FAAH2: variants seen among roughly 807,000 people sequenced by gnomAD.
FAAH2 encodes fatty acid amide hydrolase 2.
Under a neutral mutation model 36.9 loss-of-function variants are expected in FAAH2, and 60 were observed. The observed-to-expected ratio is 1.63, with a 90% CI of 1.32 to 2.02. The LOEUF (loss-of-function observed/expected upper bound fraction) is 2.02. FAAH2 is among the 30% of genes most tolerant of loss of function. The pLI is 0.00. For missense variants in FAAH2, 689 were observed against 397.5 expected (o/e 1.73, Z -6.23); for synonymous variants, 214 against 143.8 (o/e 1.49, Z -3.49).
At chrX:57,480,349 T>A (rs2057357211) in intron 10 of FAAH2, among the ~76,000 whole-genome samples, 1 of 112,063 alleles carries the variant, frequency 8.9e-6, no homozygotes, top group Non-Finnish European at 1.9e-5. Context: ...TGAACATTGA[T>A]GCAAAAATCC....
At chrX:57,403,037 A>G (rs1304517901) in intron 7 of FAAH2, among the ~76,000 whole-genome samples, 3 of 111,881 alleles carry the variant, frequency 2.7e-5, no homozygotes, top group Non-Finnish European at 5.6e-5. Context: ...CCCTTGTAAA[A>G]CATCAGTATA....
the FAAH2 span, among the ~76,000 whole-genome samples, chrX:57,160,885 T>G: frequency 8.9e-6 from 1 of 112,124 alleles, no homozygotes; most frequent in East Asian, 2.8e-4. Flanking sequence ...TCTTAGTTAT[T>G]TCTTGCCTTC....
intron 10 of FAAH2, among the ~76,000 whole-genome samples, chrX:57,450,788 G>A (rs2056769142): frequency 9.0e-6 from 1 of 110,884 alleles, no homozygotes; most frequent in African/African-American, 3.3e-5. Context: ...ATGGTTGGAA[G>A]GATATAATGT....
the FAAH2 span, among the ~76,000 whole-genome samples, chrX:57,216,526 GTATA>G: frequency 3.6e-3 from 122 of 33,714 alleles, 7 homozygotes; most frequent in Middle Eastern, 0.028. Flanking sequence ...ATACGTATAT[GTATA>G]TATATATATA....
At chrX:57,363,733 T>G (rs2054340945) in intron 5 of FAAH2, among the ~76,000 whole-genome samples, 1 of 111,000 alleles carries the variant, frequency 9.0e-6, no homozygotes, top group South Asian at 3.8e-4. Flanking sequence ...TTTTGAGGTA[T>G]GTTCTATGGT....
intron 3 of FAAH2, among the ~76,000 whole-genome samples, chrX:57,319,617 T>C (rs1218392071): frequency 8.9e-6 from 1 of 112,074 alleles, no homozygotes; most frequent in Non-Finnish European, 1.9e-5. Flanking sequence ...ATAGATTCAA[T>C]GCTATCCCCA....
At chrX:57,305,261 G>A (rs2052489253) in intron 2 of FAAH2, among the ~76,000 whole-genome samples, 2 of 110,649 alleles carry the variant, frequency 1.8e-5, no homozygotes. Flanking sequence ...GAAGTCACAT[G>A]GGCACCAAAA....
At chrX:57,454,504 A>G (rs2056835541) in intron 10 of FAAH2, among the ~76,000 whole-genome samples, 1 of 112,378 alleles carries the variant, frequency 8.9e-6, no homozygotes, top group South Asian at 3.7e-4. Context: ...AAGCTGGATG[A>G]CAAGGAAGCT....
chrX:57,420,980 A>G (rs1490587755), intron 7 of FAAH2, among the ~76,000 whole-genome samples: 1 of 112,406 alleles, frequency 8.9e-6, no homozygotes, highest in Non-Finnish European at 1.9e-5. Flanking sequence ...TGAGATAATT[A>G]TGTGGTTTTT....
chrX:57,263,123 G>C, the FAAH2 span, among the ~76,000 whole-genome samples: 1 of 111,353 alleles, frequency 9.0e-6, no homozygotes, highest in Non-Finnish European at 1.9e-5. Flanking sequence ...GACAAGAAAA[G>C]TAAATAAAAT....
the FAAH2 span, among the ~76,000 whole-genome samples, chrX:57,257,885 G>A: frequency 9.0e-6 from 1 of 111,419 alleles, no homozygotes; most frequent in African/African-American, 3.3e-5. Context: ...TATTGCCAAA[G>A]TGTCCATATT....
chrX:57,377,896 C>A (rs1232874120), intron 5 of FAAH2, among the ~76,000 whole-genome samples: 4 of 111,630 alleles, frequency 3.6e-5, no homozygotes, highest in African/African-American at 1.3e-4. Flanking sequence ...ATTTTATTTT[C>A]TTTTTAGCAA....
At chrX:57,340,802 G>A (rs2053667928) in intron 4 of FAAH2, among the ~76,000 whole-genome samples, 1 of 111,146 alleles carries the variant, frequency 9.0e-6, no homozygotes, top group African/African-American at 3.3e-5. Context: ...GTTGGGGGAT[G>A]TTGGGAGAAA....
At chrX:57,465,395 A>G (rs749333840) in intron 10 of FAAH2, among the ~76,000 whole-genome samples, 1 of 111,581 alleles carries the variant, frequency 9.0e-6, no homozygotes, top group East Asian at 2.8e-4. Context: ...AGTAGGACAA[A>G]TGCAAAGATA....
At chrX:57,380,545 C>T (rs2054815544) in intron 6 of FAAH2, among the ~76,000 whole-genome samples, 1 of 112,032 alleles carries the variant, frequency 8.9e-6, no homozygotes, top group Non-Finnish European at 1.9e-5. Flanking sequence ...TCAGTCATTA[C>T]ATCTAAGCAA....
chrX:57,178,545 A>G, the FAAH2 span, among the ~76,000 whole-genome samples: 64 of 111,309 alleles, frequency 5.7e-4, no homozygotes, highest in Admixed American at 1.1e-3. Flanking sequence ...TTATACTACC[A>G]CGGCAAGAAA....
intron 8 of FAAH2, among the ~76,000 whole-genome samples, chrX:57,438,528 A>G (rs1370731376): frequency 9.0e-6 from 1 of 110,588 alleles, no homozygotes; most frequent in Non-Finnish European, 1.9e-5. Context: ...TACAGATTTA[A>G]TACTTTTCCT....
chrX:57,404,767 C>T (rs954875691), intron 7 of FAAH2, among the ~76,000 whole-genome samples: 11 of 111,585 alleles, frequency 9.9e-5, no homozygotes, highest in Non-Finnish European at 1.3e-4. Flanking sequence ...AATTTTGGGG[C>T]TACTCTTTCA....
At chrX:57,454,982 C>T (rs2056843161) in intron 10 of FAAH2, among the ~76,000 whole-genome samples, 2 of 110,442 alleles carry the variant, frequency 1.8e-5, no homozygotes, top group African/African-American at 3.3e-5. Flanking sequence ...GATGACAAAC[C>T]GGAAGGTACA....
Sources: gnomAD v4.1 joint callset for allele counts (sites outside exome capture counted in the v4.1 genomes callset) on GRCh38, gnomAD v4.1.1 for gene constraint, MANE v1.5 for transcripts, NCBI Gene and HGNC (gene_info 2026-07-23, HGNC 2026-07-21) for gene names.